Variants in TMEM176A observed in about 807,000 individuals in gnomAD.
TMEM176A encodes hepatocellular carcinoma-associated antigen 112.
In TMEM176A, 20 loss-of-function variants were observed where a neutral mutation model predicts 27.9. That is an observed-to-expected ratio of 0.72 (90% confidence interval 0.50 to 1.04). The LOEUF is 1.04. TMEM176A is among the 50% of genes least tolerant of loss of function. TMEM176A has a pLI of 0.00. For missense variants in TMEM176A, 252 were observed against 289.1 expected (o/e 0.87, Z 0.93); for synonymous variants, 125 against 118.0 (o/e 1.06, Z -0.38).
At chr7:150,801,260 G>A in intron 1 of TMEM176A, 1 of 312,236 alleles carries the variant, frequency 3.2e-6, no homozygotes, top group Non-Finnish European at 5.8e-6. Flanking sequence ...TGACCCAGAC[G>A]CCAGGGCCCT....
At position 150,804,910 on chromosome 7, in the gene TMEM176A, G is replaced by T. The variant is rs759843218; in HGVS notation, c.*42G>T. 1.3e-6 allele frequency: 2 copies of T among 1,594,096 alleles called. No individual in the cohort carries two copies. Among genetic ancestry groups the T allele is most frequent in the Non-Finnish European group, 1.7e-6 (2 of 1,161,784 alleles). On this transcript the variant is annotated 3_prime_UTR_variant, in exon 7 of 7. Transcript: ENST00000004103. The stretch of plus-strand genomic sequence containing the variant: ...TATTAGTGCCTGGTGCTTCTGCACC[G>T]GGCGTCCCTGCATCTGACTGCTGGA...
At chr7:150,801,331 T>A (rs1108577) in intron 1 of TMEM176A, 341,553 of 498,808 alleles carry the variant, frequency 0.68, 118,231 homozygotes, top group East Asian at 0.83. Context: ...CCGCAGGCTC[T>A]GTAGTCGCCG....
intron 1 of TMEM176A, chr7:150,801,042 T>C: frequency 1.0e-6 from 1 of 967,604 alleles, no homozygotes. Flanking sequence ...CGTGAACCCG[T>C]CGGGCGTGAG....
rs741066 is a variant in TMEM176A at position 150,803,432 on chromosome 7, C to T, written c.318C>T (p.Tyr106=). ...TGGCTGGAGCTGCTGCCTTCATTTA[C>T]GAGAAACGGGGTGGTACATACTGGG... ...AVLAGAAAFI[Y]EKRGGTYWAL... Residue 106 remains tyrosine, a synonymous_variant, in exon 4 of 7, where the codon TAC becomes TAT. Transcript: ENST00000004103. The T allele has an allele frequency of 0.28, 453,019 of 1,594,642 alleles. 67,824 individuals carry two copies. The highest frequency in any genetic ancestry group is 0.32 in the Middle Eastern group (1,890 of 5,940).
In TMEM176A at chr7:150,803,606, T is replaced by A. The variant is rs200612183; in HGVS notation, c.343-14T>A. The A allele has an allele frequency of 7.4e-6, 12 of 1,612,776 alleles. No homozygotes were observed. The highest frequency in any genetic ancestry group is 1.7e-5 in the Admixed American group (1 of 59,954). ...TGAAACACAAAGATTTCTCTCTGCC[T>A]CCTCCCTCCCCAGGCCCTGCTGAGG... On this transcript the variant is annotated splice_polypyrimidine_tract_variant and intron_variant, in intron 4 of 6. Transcript: ENST00000004103.
chr7:150,801,259 C>T, intron 1 of TMEM176A: 1 of 308,612 alleles, frequency 3.2e-6, no homozygotes, highest in Middle Eastern at 8.9e-4. Context: ...TTGACCCAGA[C>T]GCCAGGGCCC....
At position 150,804,902 on chromosome 7, in the gene TMEM176A, T is replaced by C. The variant is rs1798890461; in HGVS notation, c.*34T>C. 6.2e-7 allele frequency: 1 copy of C among 1,605,636 alleles called. No individual in the cohort carries two copies. The highest frequency in any genetic ancestry group is 1.7e-5 in the Admixed American group (1 of 60,024). On this transcript the variant is annotated 3_prime_UTR_variant, in exon 7 of 7. Transcript: ENST00000004103. The stretch of plus-strand genomic sequence containing the variant: ...CTCCTGATTATTAGTGCCTGGTGCT[T>C]CTGCACCGGGCGTCCCTGCATCTGA...
chr7:150,801,752 C>T (rs777752631), intron 2 of TMEM176A, 28 bp downstream of exon 2: 15 of 1,468,438 alleles, frequency 1.0e-5, no homozygotes, highest in Admixed American at 2.8e-5. Flanking sequence ...CCTCGTCGGG[C>T]GGCGGGAGGA....
At position 150,804,933 on chromosome 7, in the gene TMEM176A, G is replaced by T; in HGVS notation, c.*65G>T. ...CCGGGCGTCCCTGCATCTGACTGCT[G>T]GAAGAAGAACCAGACTGAGGAAAAG... is the stretch of plus-strand genomic sequence containing the variant. On this transcript the variant is annotated 3_prime_UTR_variant, in exon 7 of 7. Coordinates refer to ENST00000004103, the MANE Select transcript of TMEM176A (RefSeq NM_018487.3). 4 of 1,556,184 alleles carry T rather than the reference G, an allele frequency of 2.6e-6. No individual in the cohort carries two copies. Among genetic ancestry groups the T allele is most frequent in the Middle Eastern group, 1.7e-4 (1 of 5,774 alleles).
intron 6 of TMEM176A, 132 bp from the exon 7 acceptor site, chr7:150,804,695 T>C (rs1798885887): frequency 9.7e-7 from 1 of 1,032,132 alleles, no homozygotes; most frequent in Non-Finnish European, 1.5e-6. Context: ...GGGAAGTCCA[T>C]ATCCATGCTA....
At chr7:150,801,331 T>TCA (rs1798776702) in intron 1 of TMEM176A, 1 of 498,764 alleles carries the variant, frequency 2.0e-6, no homozygotes, top group Admixed American at 3.8e-5. Context: ...CCGCAGGCTC[T>TCA]GTAGTCGCCG....
In TMEM176A at chr7:150,800,857, C is replaced by T. The variant is rs149708830; in HGVS notation, c.-16+29C>T. 4.5e-3 allele frequency: 4,381 copies of T among 964,862 alleles called. 132 individuals carry two copies. In the African/African-American group the frequency reaches 0.061, roughly 13 times the overall value. 59.8% of individuals were successfully genotyped at this position (964,862 alleles called of 1,614,324 possible). On this transcript the variant is annotated intron_variant, in intron 1 of 6. Coordinates refer to ENST00000004103, the MANE Select transcript of TMEM176A (RefSeq NM_018487.3). ...AGGCGGCACCCCACTCCCGGCGGCC[C>T]CCGGGCCTCCTTCCGCACGCACCCC...
chr7:150,802,469 G>A, intron 3 of TMEM176A, 144 bp downstream of exon 3: 2 of 789,236 alleles, frequency 2.5e-6, no homozygotes, highest in Non-Finnish European at 4.1e-6. Context: ...CTGTTCAGAT[G>A]AGCAAACAGC....
chr7:150,801,751 G>T (rs1033765375), intron 2 of TMEM176A, 27 bp downstream of exon 2: 3 of 1,469,462 alleles, frequency 2.0e-6, no homozygotes, highest in Non-Finnish European at 2.7e-6. Context: ...GCCTCGTCGG[G>T]CGGCGGGAGG....
chr7:150,802,076 T>TTTCTCTTTTC, intron 2 of TMEM176A, 139 bp from the exon 3 acceptor site: 1 of 578,844 alleles, frequency 1.7e-6, no homozygotes. Flanking sequence ...TTCTTCTCCT[T>TTTCTCTTTTC]TTCTCTTCTC....
At chr7:150,803,205 C>T in intron 3 of TMEM176A, 195 bp from the exon 4 acceptor site, 1 of 1,333,576 alleles carries the variant, frequency 7.5e-7, no homozygotes. Flanking sequence ...GTCACTAAAG[C>T]AGGGCCTTTT....
chr7:150,803,832 G>A lies in TMEM176A; in HGVS notation c.555G>A (p.Lys185=). 1.2e-6 allele frequency: 2 copies of A among 1,613,712 alleles called. No homozygotes were observed. Among genetic ancestry groups the A allele is most frequent in the Non-Finnish European group, 1.7e-6 (2 of 1,179,884 alleles). Residue 185 remains lysine, a splice_region_variant and synonymous_variant, in exon 5 of 7, where the codon AAG becomes AAA. Coordinates refer to ENST00000004103, the MANE Select transcript of TMEM176A (RefSeq NM_018487.3). The part of the protein sequence containing the change: ...HLCTSFMDML[K]ALFRTLQAML... ...GTACCTCCTTCATGGACATGCTGAA[G>A]GTAGGTGGCCAAGGGGAAGGGGCAG...
At chr7:150,801,372 T>G (rs769070996) in intron 1 of TMEM176A, 164 bp from the exon 2 acceptor site, 3 of 652,702 alleles carry the variant, frequency 4.6e-6, no homozygotes, top group Admixed American at 6.8e-5. Flanking sequence ...CCCCCTCTGC[T>G]ACACACATTC....
chr7:150,802,084 C>G, intron 2 of TMEM176A, 131 bp from the exon 3 acceptor site: 1 of 658,116 alleles, frequency 1.5e-6, no homozygotes, highest in Non-Finnish European at 2.6e-6. Context: ...CTTTTCTCTT[C>G]TCTTCTCTTC....
Sources: gnomAD v4.1 joint callset for allele counts on GRCh38, gnomAD v4.1.1 for gene constraint, MANE v1.5 for transcripts, NCBI Gene and HGNC (gene_info 2026-07-23, HGNC 2026-07-21) for gene names.